Variants in NDUFB9 observed in about 807,000 individuals in gnomAD.
NDUFB9 encodes NADH dehydrogenase [ubiquinone] 1 beta subcomplex subunit 9.
NDUFB9 carries 24 observed loss-of-function variants against 30.2 expected under a neutral mutation model. The observed-to-expected ratio is 0.80, with a 90% CI of 0.58 to 1.12. NDUFB9 has a LOEUF of 1.12. Ranked by LOEUF, NDUFB9 falls within the 50% of genes most tolerant of loss-of-function variation. NDUFB9 has a pLI of 0.00. For synonymous variants in NDUFB9, 80 were observed against 84.0 expected, an observed-to-expected ratio of 0.95 and a Z score of 0.26; for missense variants, 204 against 226.0, an observed-to-expected ratio of 0.90 and a Z score of 0.62.
intron 3 of NDUFB9, among the ~76,000 whole-genome samples, chr8:124,548,986 A>C (rs1282868341): frequency 1.3e-5 from 2 of 152,234 alleles, no homozygotes; most frequent in African/African-American, 4.8e-5. Flanking sequence ...ACTGTGGCCA[A>C]AGGGGGCAGT....
At position 124,547,069 on chromosome 8, in the gene NDUFB9, A is replaced by C. The variant is rs1167377589; in HGVS notation, c.364A>C (p.Arg122=). 4.3e-6 allele frequency: 7 copies of C among 1,613,694 alleles called. No homozygotes were observed. Among genetic ancestry groups the C allele is most frequent in the South Asian group, 1.1e-5 (1 of 91,066 alleles). Residue 122 remains arginine, a synonymous_variant, in exon 3 of 4, where the codon AGA becomes CGA. Transcript: ENST00000276689. ...AATGTATCCTGATTACTTTGCCAAG[A>C]GAGAACAGTGGAAGAAACTGCGGAG... The part of the protein sequence containing the change: ...KAMYPDYFAK[R]EQWKKLRRES...
Position 124,547,048 on chromosome 8 carries a change from T to C in NDUFB9, c.343T>C (p.Tyr115His). ...CTGGCATCCTTCTGAGAAGGCAATG[T>C]ATCCTGATTACTTTGCCAAGAGAGA... ...DDWHPSEKAM[Y>H]PDYFAKREQW... Residue 115 changes from tyrosine (Y) to histidine (H), a missense_variant, in exon 3 of 4, where the codon TAT becomes CAT. By Grantham distance (83) the Tyr-to-His change is moderately conservative. Transcript: ENST00000276689. 6.2e-7 allele frequency: 1 copy of C among 1,613,168 alleles called. No homozygotes were observed. The highest frequency in any genetic ancestry group is 8.5e-7 in the Non-Finnish European group (1 of 1,180,030).
At chr8:124,546,234 T>A (rs1822156164) in intron 2 of NDUFB9, among the ~76,000 whole-genome samples, 1 of 152,216 alleles carries the variant, frequency 6.6e-6, no homozygotes, top group African/African-American at 2.4e-5. Flanking sequence ...GAAGAACTTC[T>A]TTCAAAATGG....
At chr8:124,546,813 G>T in intron 2 of NDUFB9, 187 bp from the exon 3 acceptor site, 2 of 637,102 alleles carry the variant, frequency 3.1e-6, no homozygotes, top group Non-Finnish European at 5.7e-6. Context: ...TGACTCTAAG[G>T]TGTTTTCCTT....
chr8:124,544,194 C>T (rs1230923027), intron 2 of NDUFB9, among the ~76,000 whole-genome samples: 1 of 152,150 alleles, frequency 6.6e-6, no homozygotes, highest in African/African-American at 2.4e-5. Flanking sequence ...AAGTCTTTAA[C>T]TCTTCATTTC....
intron 2 of NDUFB9, among the ~76,000 whole-genome samples, chr8:124,545,525 C>T (rs922397190): frequency 1.3e-5 from 2 of 152,108 alleles, no homozygotes; most frequent in African/African-American, 4.8e-5. Context: ...TTATCAATAA[C>T]GTATTTCTTT....
At chr8:124,544,295 CTG>C (rs1194271353) in intron 2 of NDUFB9, among the ~76,000 whole-genome samples, 1 of 152,356 alleles carries the variant, frequency 6.6e-6, no homozygotes, top group Admixed American at 6.5e-5. Context: ...AAAGCCATCT[CTG>C]TAACACAGAT....
chr8:124,541,553 T>C (rs1393179327), intron 1 of NDUFB9, among the ~76,000 whole-genome samples: 1 of 152,238 alleles, frequency 6.6e-6, no homozygotes, highest in Non-Finnish European at 1.5e-5. Flanking sequence ...ATATACACAC[T>C]GTTATTGCCA....
chr8:124,546,154 A>AT (rs1477166414), intron 2 of NDUFB9, among the ~76,000 whole-genome samples: 5 of 152,160 alleles, frequency 3.3e-5, no homozygotes, highest in Admixed American at 2.6e-4. Context: ...AATTATGTAC[A>AT]TTTTTTATGT....
In NDUFB9 at chr8:124,539,262, C is replaced by CA; in HGVS notation, c.77dup (p.His26GlnfsTer24). ...GCGGCTTTATAAGCGGGCGCTACGC[C>CA]ACCTCGAGTCGTGGTGCGTCCAGAG... On this transcript the variant is annotated frameshift_variant, in exon 1 of 4. Transcript: ENST00000276689. LOFTEE classifies it high-confidence loss of function. 1 of 1,614,200 alleles carries CA rather than the reference C, an allele frequency of 6.2e-7. No homozygotes were observed. The highest frequency in any genetic ancestry group is 8.5e-7 in the Non-Finnish European group (1 of 1,180,038).
At position 124,543,304 on chromosome 8, in the gene NDUFB9, C is replaced by T. The variant is rs755912447; in HGVS notation, c.294+25C>T. ...GGTAGGTGAGAATTATGATGACTGC[C>T]TTCTGAGAAATAGACTTTGTTTCTT... On this transcript the variant is annotated intron_variant, in intron 2 of 3. Coordinates refer to ENST00000276689, the MANE Select transcript of NDUFB9 (RefSeq NM_005005.3). 1.9e-6 allele frequency: 3 copies of T among 1,601,734 alleles called. No homozygotes were observed. The East Asian group carries it at 6.7e-5, about 36-fold the overall frequency.
chr8:124,539,158 C>T lies in NDUFB9; in HGVS notation c.-29C>T. ...AGCAGGCGTGCAGTTTCCCGGCTCT[C>T]CGCGCGGCCGGGGAAGGTCAGCGCC... is the stretch of plus-strand genomic sequence containing the variant. On this transcript the variant is annotated 5_prime_UTR_variant, in exon 1 of 4. Coordinates refer to ENST00000276689, the MANE Select transcript of NDUFB9 (RefSeq NM_005005.3). The T allele has an allele frequency of 1.9e-6, 3 of 1,613,568 alleles. No individual in the cohort carries two copies. Among genetic ancestry groups the T allele is most frequent in the Non-Finnish European group, 2.5e-6 (3 of 1,179,438 alleles).
intron 2 of NDUFB9, 130 bp downstream of exon 2, chr8:124,543,409 G>T (rs1289457657): frequency 1.3e-5 from 11 of 873,906 alleles, no homozygotes; most frequent in African/African-American, 1.7e-5. Flanking sequence ...GTTGTCAGAT[G>T]CAGGCCTACC....
intron 1 of NDUFB9, among the ~76,000 whole-genome samples, chr8:124,541,523 CTG>C (rs1821986111): frequency 6.6e-6 from 1 of 152,214 alleles, no homozygotes; most frequent in African/African-American, 2.4e-5. Context: ...ATCTTATTGA[CTG>C]TTTATGACAA....
chr8:124,540,473 A>C (rs1045981185), intron 1 of NDUFB9, among the ~76,000 whole-genome samples: 1 of 152,218 alleles, frequency 6.6e-6, no homozygotes, highest in Non-Finnish European at 1.5e-5. Context: ...GAGGTGATGA[A>C]TATCCAAATT....
chr8:124,543,419 C>G (rs942195854), intron 2 of NDUFB9, 140 bp downstream of exon 2: 3 of 828,212 alleles, frequency 3.6e-6, no homozygotes, highest in Non-Finnish European at 5.8e-6. Context: ...GCAGGCCTAC[C>G]TCATTTTATT....
At chr8:124,539,646 A>G (rs192421882) in intron 1 of NDUFB9, among the ~76,000 whole-genome samples, 3 of 152,346 alleles carry the variant, frequency 2.0e-5, no homozygotes, top group Admixed American at 6.5e-5. Context: ...TCTCCTTTCC[A>G]ATATTAACAG....
rs373972186 is a variant in NDUFB9, at chr8:124,549,902, G to C, written c.*10G>C. ...GGAGCGGCCCATGTAGAAAGAGAGA[G>C]ACCTCATCTTTCATGCTTGCAAGTG... On this transcript the variant is annotated 3_prime_UTR_variant, in exon 4 of 4. Coordinates refer to ENST00000276689, the MANE Select transcript of NDUFB9 (RefSeq NM_005005.3). 6.2e-6 allele frequency: 10 copies of C among 1,613,990 alleles called. No homozygotes were observed. In the African/African-American group the frequency reaches 1.3e-4, roughly 22 times the overall value.
At chr8:124,544,469 C>T (rs1343516810) in intron 2 of NDUFB9, among the ~76,000 whole-genome samples, 5 of 152,096 alleles carry the variant, frequency 3.3e-5, no homozygotes, top group Non-Finnish European at 7.4e-5. Context: ...ACTTTCATAC[C>T]TTGAGAGAAA....
Sources: gnomAD v4.1 joint callset for allele counts (sites outside exome capture counted in the v4.1 genomes callset) on GRCh38, gnomAD v4.1.1 for gene constraint, MANE v1.5 for transcripts, NCBI Gene and HGNC (gene_info 2026-07-23, HGNC 2026-07-21) for gene names.